Variants in FUT9 observed in about 807,000 individuals in gnomAD.
FUT9 encodes fucosyltransferase 9, also known as 4-galactosyl-N-acetylglucosaminide 3-alpha-L-fucosyltransferase 9.
A neutral mutation model predicts 29.7 loss-of-function variants in FUT9; 15 were observed. The ratio of observed to expected loss-of-function variants is 0.51; its 90% CI spans 0.34 to 0.78. The LOEUF (loss-of-function observed/expected upper bound fraction) is 0.78. Ranked by LOEUF, FUT9 falls within the 30% of genes least tolerant of loss-of-function variation. The pLI, the probability that FUT9 is intolerant of heterozygous loss-of-function variation, is 0.01. For synonymous variants in FUT9, 169 were observed against 153.7 expected, an observed-to-expected ratio of 1.10 and a Z score of -0.74; for missense variants, 319 against 425.4, an observed-to-expected ratio of 0.75 and a Z score of 2.20.
intron 2 of FUT9, among the ~76,000 whole-genome samples, chr6:96,116,782 G>C (rs552182444): frequency 2.4e-4 from 36 of 152,240 alleles, no homozygotes; most frequent in African/African-American, 7.9e-4. Flanking sequence ...GCCCAAGTTA[G>C]AGATATATTG....
chr6:96,201,104 TA>T (rs1773719251), intron 2 of FUT9, among the ~76,000 whole-genome samples: 1 of 152,040 alleles, frequency 6.6e-6, no homozygotes, highest in Non-Finnish European at 1.5e-5. Context: ...ATGGTATTCC[TA>T]ATTTATTGAA....
chr6:96,041,417 C>A (rs755230607), intron 1 of FUT9, among the ~76,000 whole-genome samples: 1 of 152,034 alleles, frequency 6.6e-6, no homozygotes, highest in Non-Finnish European at 1.5e-5. Context: ...TAAATGTAAT[C>A]TTTTACTGTT....
chr6:96,198,444 A>G (rs2127990345), intron 2 of FUT9, among the ~76,000 whole-genome samples: 1 of 152,242 alleles, frequency 6.6e-6, no homozygotes, highest in South Asian at 2.1e-4. Context: ...AAAGGACATG[A>G]ACTCATCCTT....
intron 1 of FUT9, among the ~76,000 whole-genome samples, chr6:96,057,923 C>T (rs1415672520): frequency 6.6e-6 from 1 of 152,146 alleles, no homozygotes; most frequent in African/African-American, 2.4e-5. Flanking sequence ...AAAACTCCGT[C>T]ATCAAGTTGT....
intron 2 of FUT9, among the ~76,000 whole-genome samples, chr6:96,134,872 A>G (rs1375314976): frequency 1.3e-5 from 2 of 151,890 alleles, no homozygotes; most frequent in African/African-American, 4.8e-5. Context: ...TAGTTTCCAG[A>G]TAATTTAAAT....
intron 1 of FUT9, among the ~76,000 whole-genome samples, chr6:96,041,070 G>A (rs1770451313): frequency 6.6e-6 from 1 of 151,604 alleles, no homozygotes; most frequent in African/African-American, 2.4e-5. Context: ...CTGGGCCAGT[G>A]TCCCTCCCGG....
At chr6:96,051,020 G>GTT (rs955455589) in intron 1 of FUT9, among the ~76,000 whole-genome samples, 2 of 151,606 alleles carry the variant, frequency 1.3e-5, no homozygotes, top group Non-Finnish European at 2.9e-5. Flanking sequence ...CTCTGTGTGT[G>GTT]TGTGTGTGTG....
intron 2 of FUT9, among the ~76,000 whole-genome samples, chr6:96,162,123 ATTG>A (rs1372320088): frequency 2.6e-5 from 4 of 152,104 alleles, no homozygotes; most frequent in East Asian, 3.9e-4. Flanking sequence ...CATATTCATC[ATTG>A]TTATTTTAAA....
At chr6:96,055,852 A>G (rs1178220269) in intron 1 of FUT9, among the ~76,000 whole-genome samples, 1 of 151,846 alleles carries the variant, frequency 6.6e-6, no homozygotes, top group African/African-American at 2.4e-5. Flanking sequence ...GCCGGACTCT[A>G]GACATTTGAA....
intron 2 of FUT9, among the ~76,000 whole-genome samples, chr6:96,147,167 T>C (rs1236607449): frequency 6.6e-6 from 1 of 151,708 alleles, no homozygotes; most frequent in Non-Finnish European, 1.5e-5. Flanking sequence ...ATTTTTCTTT[T>C]TTTTTTTTTC....
At chr6:96,142,041 G>T (rs934646573) in intron 2 of FUT9, among the ~76,000 whole-genome samples, 3 of 152,154 alleles carry the variant, frequency 2.0e-5, no homozygotes, top group African/African-American at 7.2e-5. Flanking sequence ...GCAGTATCAG[G>T]AGTAAGACCA....
At chr6:96,047,559 T>A (rs753667725) in intron 1 of FUT9, among the ~76,000 whole-genome samples, 5 of 152,306 alleles carry the variant, frequency 3.3e-5, no homozygotes, top group Non-Finnish European at 7.4e-5. Flanking sequence ...GATAGTTAAT[T>A]ACATTCATTG....
chr6:96,090,631 G>A (rs1462838089), intron 1 of FUT9, among the ~76,000 whole-genome samples: 1 of 151,448 alleles, frequency 6.6e-6, no homozygotes, highest in Non-Finnish European at 1.5e-5. Flanking sequence ...GAAAGGAAAA[G>A]GAAAAGCAAA....
intron 2 of FUT9, among the ~76,000 whole-genome samples, chr6:96,128,953 C>A (rs919559514): frequency 6.6e-6 from 1 of 151,814 alleles, no homozygotes; most frequent in Non-Finnish European, 1.5e-5. Flanking sequence ...GGTGAAACAT[C>A]TCCACAAAAA....
chr6:96,033,917 C>T (rs1385688549), intron 1 of FUT9, among the ~76,000 whole-genome samples: 2 of 151,400 alleles, frequency 1.3e-5, no homozygotes, highest in Non-Finnish European at 3.0e-5. Context: ...CAAATACACA[C>T]ACACACATAT....
chr6:96,110,732 T>A (rs755900030), intron 1 of FUT9, among the ~76,000 whole-genome samples: 6 of 152,180 alleles, frequency 3.9e-5, no homozygotes, highest in Non-Finnish European at 5.9e-5. Flanking sequence ...CATGATCATC[T>A]ATAACCTCAA....
intron 2 of FUT9, among the ~76,000 whole-genome samples, chr6:96,124,153 C>CTTTTTTTTTT (rs35122970): frequency 2.4e-5 from 3 of 125,062 alleles, no homozygotes; most frequent in African/African-American, 9.0e-5. Context: ...TTTCTTTTTT[C>CTTTTTTTTTT]TTTTTTTTTT....
intron 1 of FUT9, among the ~76,000 whole-genome samples, chr6:96,033,028 G>C (rs1376167647): frequency 6.6e-6 from 1 of 151,488 alleles, no homozygotes; most frequent in Non-Finnish European, 1.5e-5. Flanking sequence ...CTGCTAACCA[G>C]GAAAACAATC....
chr6:96,214,166 TTGTTGGCAA>T lies in FUT9; in HGVS notation c.*9932_*9940del, dbSNP rs1376380718. 6.0e-6 allele frequency: 1 copy of T among 166,966 alleles called. No homozygotes were observed. The highest frequency in any genetic ancestry group is 2.4e-5 in the African/African-American group (1 of 41,464). The allele number at this position is 166,966 out of a possible 1,614,324, so 10.3% of individuals were successfully genotyped here. On this transcript the variant is annotated 3_prime_UTR_variant, in exon 3 of 3. Coordinates refer to ENST00000302103, the MANE Select transcript of FUT9 (RefSeq NM_006581.4). ...GTTGGCAATAAATACAACAAATTAT[TTGTTGGCAA>T]GTGATACAATTTACTGTATAACAAC...
Sources: gnomAD v4.1 joint callset for allele counts (sites outside exome capture counted in the v4.1 genomes callset) on GRCh38, gnomAD v4.1.1 for gene constraint, MANE v1.5 for transcripts, NCBI Gene and HGNC (gene_info 2026-07-23, HGNC 2026-07-21) for gene names.